CCDC62: variants seen among roughly 807,000 people sequenced by gnomAD.
CCDC62 encodes coiled-coil domain-containing protein 62.
A neutral mutation model predicts 80.8 loss-of-function variants in CCDC62; 72 were observed. That is an observed-to-expected ratio of 0.89 (90% confidence interval 0.74 to 1.08). The LOEUF (loss-of-function observed/expected upper bound fraction) is 1.08. Ranked by LOEUF, CCDC62 falls within the 50% of genes least tolerant of loss-of-function variation. The probability of loss-of-function intolerance (pLI) is 0.00; values close to 1 mark genes in which losing one functional copy is unlikely to be tolerated. For synonymous variants in CCDC62, 286 were observed against 296.5 expected (o/e 0.96, Z 0.36); for missense variants, 704 against 809.4 (o/e 0.87, Z 1.58).
intron 1 of CCDC62, among the ~76,000 whole-genome samples, chr12:122,775,222 T>C (rs1352202568): frequency 6.6e-6 from 1 of 152,094 alleles, no homozygotes; most frequent in Non-Finnish European, 1.5e-5. Flanking sequence ...CGGTGCTTAC[T>C]GTTTAAGGAG....
intron 12 of CCDC62, among the ~76,000 whole-genome samples, chr12:122,826,047 G>T (rs917148772): frequency 3.3e-5 from 5 of 150,604 alleles, no homozygotes; most frequent in Non-Finnish European, 7.4e-5. Flanking sequence ...ATAAAAACGT[G>T]TATTGACCCA....
At chr12:122,825,615 CA>C (rs1287728877) in intron 12 of CCDC62, among the ~76,000 whole-genome samples, 1 of 149,462 alleles carries the variant, frequency 6.7e-6, no homozygotes, top group East Asian at 2.0e-4. Flanking sequence ...CTCGGCCTCC[CA>C]AAGTGCTGGG....
intron 11 of CCDC62, among the ~76,000 whole-genome samples, chr12:122,822,259 CCA>C: frequency 6.6e-6 from 1 of 152,094 alleles, no homozygotes; most frequent in East Asian, 1.9e-4. Flanking sequence ...GCGCGTGCCA[CCA>C]CGCCCAGCTA....
chr12:122,811,099 A>G (rs1053537653), intron 10 of CCDC62, among the ~76,000 whole-genome samples: 24 of 152,196 alleles, frequency 1.6e-4, no homozygotes, highest in African/African-American at 5.8e-4. Context: ...CAGCACACCA[A>G]CATGGCACAT....
intron 12 of CCDC62, 146 bp downstream of exon 12, chr12:122,823,605 A>G: frequency 1.9e-6 from 1 of 537,432 alleles, no homozygotes; most frequent in African/African-American, 1.9e-5. Flanking sequence ...GCATACTTCT[A>G]AATTTAATCA....
rs764663509 is a variant in CCDC62 at position 122,792,029 on chromosome 12, A to G, written c.680A>G (p.Asn227Ser). The change falls in exon 6 of 13, where the codon AAT (asparagine) becomes AGT (serine). Residue 227 changes from asparagine (N) to serine (S), a missense_variant. Physicochemically the swap from Asn to Ser is conservative, Grantham distance 46. Transcript: ENST00000253079. ...TTCTTCTGTTGTGAAGAGGACCTCA[A>G]TGAAAAGACGACAGAAAATAATGAG... ...IEVNKLKEDLNEKTTENNEQR... is the reference protein window; with the variant it reads ...IEVNKLKEDLSEKTTENNEQR... 2 of 1,613,282 alleles carry G rather than the reference A, an allele frequency of 1.2e-6. No individual in the cohort carries two copies. Among genetic ancestry groups the G allele is most frequent in the Non-Finnish European group, 1.7e-6 (2 of 1,179,248 alleles).
In CCDC62 at chr12:122,811,210, CT is replaced by C. The variant is rs34599465; in HGVS notation, c.1852-2042del. Among the ~76,000 whole-genome samples, 296 of 120,072 alleles carry C rather than the reference CT, an allele frequency of 2.5e-3. 2 individuals carry two copies. The highest frequency in any genetic ancestry group is 8.3e-3 in the African/African-American group (263 of 31,618). The allele number at this position is 120,072 out of a possible 152,430, so 78.8% of individuals were successfully genotyped here. On this transcript the variant is annotated intron_variant, in intron 10 of 12. Coordinates refer to ENST00000253079, the MANE Select transcript of CCDC62 (RefSeq NM_201435.5). The stretch of plus-strand genomic sequence containing the variant: ...AATAAATAAAAAGAAATTAAGTTTC[CT>C]TTTTTTTTTTTTTTTTTCAGACGGA...
At chr12:122,780,613 C>G (rs191568783) in intron 2 of CCDC62, among the ~76,000 whole-genome samples, 3,441 of 115,260 alleles carry the variant, frequency 0.03, 61 homozygotes, top group Non-Finnish European at 0.042. Context: ...GACTCTGTCT[C>G]AAAAATAAAA....
At chr12:122,795,251 G>A (rs1393824857) in intron 6 of CCDC62, among the ~76,000 whole-genome samples, 1 of 150,942 alleles carries the variant, frequency 6.6e-6, no homozygotes, top group Non-Finnish European at 1.5e-5. Flanking sequence ...TGGTTTCATT[G>A]TGTTGCCCAG....
In CCDC62 at chr12:122,806,135, G is replaced by A; in HGVS notation, c.1707-16G>A. The A allele has an allele frequency of 6.2e-7, 1 of 1,602,642 alleles. No homozygotes were observed. Among genetic ancestry groups the A allele is most frequent in the Non-Finnish European group, 8.5e-7 (1 of 1,174,948 alleles). The stretch of plus-strand genomic sequence containing the variant: ...GTTTTAAGATATTTGTTTTTGTTGG[G>A]TTTTCTTATTCTTAGTGAGCTAATT... On this transcript the variant is annotated splice_polypyrimidine_tract_variant and intron_variant, in intron 9 of 12. Transcript: ENST00000253079.
In CCDC62 at chr12:122,806,123, T is replaced by A. The variant is rs187394811; in HGVS notation, c.1707-28T>A. 6.9e-6 allele frequency: 11 copies of A among 1,596,652 alleles called. No individual in the cohort carries two copies. In the East Asian group the frequency reaches 2.2e-4, roughly 32 times the overall value. On this transcript the variant is annotated intron_variant, in intron 9 of 12. Transcript: ENST00000253079. Reference sequence around the variant, plus strand: ...ATGTATGATATTGTTTTAAGATATTTGTTTTTGTTGGGTTTTCTTATTCTT... The same window carrying A: ...ATGTATGATATTGTTTTAAGATATTAGTTTTTGTTGGGTTTTCTTATTCTT...
intron 9 of CCDC62, among the ~76,000 whole-genome samples, chr12:122,804,789 C>T (rs1397970204): frequency 1.3e-5 from 2 of 151,636 alleles, no homozygotes; most frequent in East Asian, 1.9e-4. Context: ...ATAATCATAG[C>T]TCACTGCAGC....
chr12:122,816,260 C>T lies in CCDC62; in HGVS notation c.2001+2841C>T, dbSNP rs980855117. Among the ~76,000 whole-genome samples the T allele has an allele frequency of 6.6e-5, 10 of 152,122 alleles. 1 individual carries two copies. The highest frequency in any genetic ancestry group is 3.9e-4 in the Admixed American group (6 of 15,252). On this transcript the variant is annotated intron_variant, in intron 11 of 12. Coordinates refer to ENST00000253079, the MANE Select transcript of CCDC62 (RefSeq NM_201435.5). The stretch of plus-strand genomic sequence containing the variant: ...AGCTGTCTCTGAGGCATTAGTGAAG[C>T]GTTGCATTTATATTGGGGCAGAGGA...
At chr12:122,795,815 C>T (rs965353893) in intron 6 of CCDC62, among the ~76,000 whole-genome samples, 1 of 152,130 alleles carries the variant, frequency 6.6e-6, no homozygotes, top group Non-Finnish European at 1.5e-5. Flanking sequence ...CCTGACAGTC[C>T]TGTAGGTGAG....
chr12:122,798,234 G>A (rs1307449359), intron 8 of CCDC62, 34 bp downstream of exon 8: 6 of 1,004,320 alleles, frequency 6.0e-6, no homozygotes, highest in Non-Finnish European at 9.6e-6. Context: ...ATATGATCTT[G>A]TATTATATTC....
At chr12:122,820,539 T>C (rs1005805867) in intron 11 of CCDC62, among the ~76,000 whole-genome samples, 1 of 151,978 alleles carries the variant, frequency 6.6e-6, no homozygotes, top group Non-Finnish European at 1.5e-5. Flanking sequence ...TTTAAACGAA[T>C]AAGAGAAAAT....
chr12:122,813,446 T>C (rs774818672), intron 11 of CCDC62, 27 bp downstream of exon 11: 17 of 1,600,766 alleles, frequency 1.1e-5, no homozygotes, highest in East Asian at 4.5e-5. Context: ...CTCTTGACTA[T>C]ATTTGTCACA....
chr12:122,813,612 C>T (rs2135582506), intron 11 of CCDC62, among the ~76,000 whole-genome samples, 193 bp downstream of exon 11: 1 of 152,246 alleles, frequency 6.6e-6, no homozygotes, highest in African/African-American at 2.4e-5. Flanking sequence ...CAAACTTCCT[C>T]TTTCTAATGA....
rs369388070 is a variant in CCDC62 at position 122,806,343 on chromosome 12, C to T, written c.1851+48C>T. 2.6e-4 allele frequency: 388 copies of T among 1,507,032 alleles called. 1 individual carries two copies. Among genetic ancestry groups the T allele is most frequent in the Middle Eastern group, 2.3e-3 (13 of 5,648 alleles). The allele number at this position is 1,507,032 out of a possible 1,614,324, so 93.4% of individuals were successfully genotyped here. A position where few individuals can be genotyped will look rare whatever the true frequency, so the allele number is the denominator to read the frequency against. On this transcript the variant is annotated intron_variant, in intron 10 of 12. Transcript: ENST00000253079. Reference sequence around the variant, plus strand: ...CCCAGCTTACTCAAGCCAGGCCTCTCACCAGCTTTTAATGCTTCTCTAGCA... The same window carrying T: ...CCCAGCTTACTCAAGCCAGGCCTCTTACCAGCTTTTAATGCTTCTCTAGCA...
Sources: allele counts gnomAD v4.1 joint callset (sites outside exome capture counted in the v4.1 genomes callset), GRCh38; gene constraint gnomAD v4.1.1; transcripts MANE v1.5; gene names NCBI Gene and HGNC (gene_info 2026-07-23, HGNC 2026-07-21).